Variants in FARP1 observed in about 807,000 individuals in gnomAD.
The protein encoded by FARP1 is FERM, ARH/RhoGEF and pleckstrin domain protein 1, also known as FERM, ARHGEF and pleckstrin domain-containing protein 1.
A neutral mutation model predicts 128.8 loss-of-function variants in FARP1; 52 were observed. The observed-to-expected ratio is 0.40, with a 90% CI of 0.32 to 0.51. The LOEUF (loss-of-function observed/expected upper bound fraction) is 0.51, where lower values mean the gene tolerates loss of function less well. Among genes scored for constraint, FARP1 ranks in the 20% least tolerant of loss-of-function variants. The probability of loss-of-function intolerance (pLI) is 0.45; values close to 1 mark genes in which losing one functional copy is unlikely to be tolerated. For missense variants in FARP1, 1,333 were observed against 1,367.9 expected, an observed-to-expected ratio of 0.97 and a Z score of 0.40; for synonymous variants, 580 against 551.8, an observed-to-expected ratio of 1.05 and a Z score of -0.72.
chr13:98,444,846 C>T (rs1304922773), intron 24 of FARP1, among the ~76,000 whole-genome samples: 2 of 152,220 alleles, frequency 1.3e-5, no homozygotes, highest in African/African-American at 2.4e-5. Flanking sequence ...CTCCTTGCTC[C>T]ATGTTGCGTG....
intron 1 of FARP1, among the ~76,000 whole-genome samples, chr13:98,153,505 G>A (rs1483298276): frequency 3.2e-5 from 4 of 125,070 alleles, no homozygotes; most frequent in African/African-American, 1.1e-4. Context: ...ATAAAAATAT[G>A]TATAAATATA....
Position 98,257,977 on chromosome 13 carries a change from T to C in FARP1, c.171+44564T>C, listed in dbSNP as rs528398659. On this transcript the variant is annotated intron_variant, in intron 2 of 26. Coordinates refer to ENST00000319562, the MANE Select transcript of FARP1 (RefSeq NM_005766.4). The stretch of plus-strand genomic sequence containing the variant: ...CATCATGTCGTACACCATTGATATA[T>C]ATAATTTTTTTTTTGAGATGGAGTC... 9.2e-5 allele frequency among the ~76,000 whole-genome samples: 14 copies of C among 152,250 alleles called. 1 individual carries two copies. The East Asian group carries it at 1.7e-3, about 19-fold the overall frequency.
chr13:98,205,618 C>T lies in FARP1; in HGVS notation c.-23-7602C>T, dbSNP rs1880223558. Among the ~76,000 whole-genome samples, 3 of 152,164 alleles carry T rather than the reference C, an allele frequency of 2.0e-5. No homozygotes were observed. In the South Asian group the frequency reaches 6.2e-4, roughly 32 times the overall value. On this transcript the variant is annotated intron_variant, in intron 1 of 26. Transcript: ENST00000319562. ...CTGTGTTAGCCAGGGTGGTCTCGATCTCCTGACCTTGTGATCCACCTGCCT... is the reference window on the plus strand; with the variant it reads ...CTGTGTTAGCCAGGGTGGTCTCGATTTCCTGACCTTGTGATCCACCTGCCT...
chr13:98,163,557 G>A (rs926697706), intron 1 of FARP1, among the ~76,000 whole-genome samples: 2 of 147,708 alleles, frequency 1.4e-5, no homozygotes, highest in Non-Finnish European at 3.0e-5. Context: ...TTTTTTTTGA[G>A]ATGGGATCTC....
At chr13:98,377,996 C>A in intron 6 of FARP1, 78 bp downstream of exon 6, 3 of 1,090,908 alleles carry the variant, frequency 2.7e-6, no homozygotes, top group South Asian at 1.3e-5. Flanking sequence ...AAATCACATC[C>A]ACCAAAAAAG....
intron 24 of FARP1, among the ~76,000 whole-genome samples, chr13:98,441,486 G>A (rs1319201490): frequency 1.3e-5 from 2 of 152,266 alleles, no homozygotes; most frequent in Non-Finnish European, 2.9e-5. Context: ...CAGGCTGAGA[G>A]CTAGTGCCAG....
At chr13:98,380,869 A>G (rs952071205) in intron 6 of FARP1, among the ~76,000 whole-genome samples, 2 of 152,180 alleles carry the variant, frequency 1.3e-5, no homozygotes, top group African/African-American at 4.8e-5. Flanking sequence ...ATGAGCCACC[A>G]TGCCTGACCA....
chr13:98,326,811 A>G (rs1887256854), intron 2 of FARP1, among the ~76,000 whole-genome samples: 1 of 152,248 alleles, frequency 6.6e-6, no homozygotes, highest in African/African-American at 2.4e-5. Context: ...TGTGTCAGCT[A>G]GAATTGAGTC....
chr13:98,320,653 A>AT (rs1364173819), intron 2 of FARP1, among the ~76,000 whole-genome samples: 1 of 152,238 alleles, frequency 6.6e-6, no homozygotes, highest in Non-Finnish European at 1.5e-5. Flanking sequence ...GTTGGAATTT[A>AT]AATTGTAAAC....
chr13:98,435,905 G>T, intron 19 of FARP1, 199 bp downstream of exon 19: 1 of 682,514 alleles, frequency 1.5e-6, no homozygotes, highest in Non-Finnish European at 2.7e-6. Flanking sequence ...GCAATCCTCT[G>T]ACCTCATATT....
Position 98,431,209 on chromosome 13 carries a change from A to T in FARP1, c.2072A>T (p.His691Leu), listed in dbSNP as rs1225330603. The change falls in exon 18 of 27, where the codon CAC becomes CTC. Residue 691 changes from histidine (H) to leucine (L), a missense_variant. His to Leu is a moderately conservative substitution (Grantham distance 99). Transcript: ENST00000319562. ...FLLRPLHRLM[H>L]YKQVLERLCK... Reference sequence around the variant, plus strand: ...CTGCGGCCACTGCACCGGCTCATGCACTACAAGCAGGTCCTGGAGCGGCTG... The same window carrying T: ...CTGCGGCCACTGCACCGGCTCATGCTCTACAAGCAGGTCCTGGAGCGGCTG... 3.1e-6 allele frequency: 5 copies of T among 1,608,706 alleles called. No homozygotes were observed. Among genetic ancestry groups the T allele is most frequent in the Non-Finnish European group, 4.2e-6 (5 of 1,177,668 alleles).
At position 98,338,807 on chromosome 13, in the gene FARP1, A is replaced by G. The variant is rs185004856; in HGVS notation, c.172-4955A>G. The G allele has an allele frequency of 1.4e-4, 21 of 152,336 alleles. No individual in the cohort carries two copies. In the East Asian group the frequency reaches 3.3e-3, roughly 24 times the overall value. 9.4% of individuals were successfully genotyped at this position (152,336 alleles called of 1,614,324 possible). A position where few individuals can be genotyped will look rare whatever the true frequency, so the allele number is the denominator to read the frequency against. On this transcript the variant is annotated intron_variant, in intron 2 of 26. Coordinates refer to ENST00000319562, the MANE Select transcript of FARP1 (RefSeq NM_005766.4). ...CAGAATTACCTTCAGAGTGAAGTTC[A>G]AAAACTCACTGGGAATAAGTACAGA...
chr13:98,261,068 G>A (rs1594332799), intron 2 of FARP1, among the ~76,000 whole-genome samples: 1 of 152,214 alleles, frequency 6.6e-6, no homozygotes, highest in Admixed American at 6.5e-5. Context: ...GGAGGAAGGG[G>A]AAACTCTGGT....
chr13:98,418,282 G>GT (rs561100341), intron 16 of FARP1, among the ~76,000 whole-genome samples: 9,293 of 141,286 alleles, frequency 0.066, 766 homozygotes, highest in African/African-American at 0.22. Context: ...TTTGTTTTTT[G>GT]TTTTTTTTTT....
intron 6 of FARP1, 90 bp from the exon 7 acceptor site, chr13:98,384,640 T>C (rs1170580550): frequency 4.0e-6 from 3 of 759,360 alleles, no homozygotes; most frequent in Non-Finnish European, 6.9e-6. Context: ...TTATGTTGTC[T>C]GCTAGCTTCT....
intron 9 of FARP1, among the ~76,000 whole-genome samples, chr13:98,388,702 A>G (rs767176244): frequency 1.1e-4 from 16 of 152,228 alleles, no homozygotes; most frequent in Non-Finnish European, 2.2e-4. Flanking sequence ...AAGGAGGTAC[A>G]TGAACATGTA....
rs1893318028 is a variant in FARP1, at chr13:98,453,779, A to C, written c.*5462A>C. On this transcript the variant is annotated 3_prime_UTR_variant, in exon 27 of 27. Coordinates refer to ENST00000319562, the MANE Select transcript of FARP1 (RefSeq NM_005766.4). Reference sequence around the variant, plus strand: ...TCAGTTAAGTAAATTATACAAACTGAAATAACAGACTAAAAATGGTAATTA... The same window carrying C: ...TCAGTTAAGTAAATTATACAAACTGCAATAACAGACTAAAAATGGTAATTA... 1 of 152,082 alleles carries C rather than the reference A, an allele frequency of 6.6e-6. No homozygotes were observed. Among genetic ancestry groups the C allele is most frequent in the African/African-American group, 2.4e-5 (1 of 41,372 alleles). The allele number at this position is 152,082 out of a possible 1,614,324, so 9.4% of individuals were successfully genotyped here.
intron 1 of FARP1, among the ~76,000 whole-genome samples, chr13:98,193,991 A>G (rs2139243709): frequency 6.6e-6 from 1 of 152,274 alleles, no homozygotes; most frequent in East Asian, 1.9e-4. Context: ...TTTATTTTCT[A>G]GATGGATTTT....
chr13:98,387,479 C>T (rs1341817077), intron 8 of FARP1, among the ~76,000 whole-genome samples: 1 of 152,178 alleles, frequency 6.6e-6, no homozygotes, highest in African/African-American at 2.4e-5. Context: ...GTAATGTAGT[C>T]ACGTGCAAAG....
Sources: gnomAD v4.1 joint callset for allele counts (sites outside exome capture counted in the v4.1 genomes callset) on GRCh38, gnomAD v4.1.1 for gene constraint, MANE v1.5 for transcripts, NCBI Gene and HGNC (gene_info 2026-07-23, HGNC 2026-07-21) for gene names.